The following CCDC192 variants were observed in gnomAD, a reference collection of about 807,000 sequenced individuals.
The protein encoded by CCDC192 is coiled-coil domain containing 192, also known as coiled-coil domain-containing protein 192.
chr5:127,891,082 T>C (rs1261461798), intron 6 of CCDC192, among the ~76,000 whole-genome samples: 1 of 152,162 alleles, frequency 6.6e-6, no homozygotes, highest in Non-Finnish European at 1.5e-5. Flanking sequence ...GACAGAGTCT[T>C]GCTCTGTCGC....
At chr5:127,851,131 C>T (rs545617751) in intron 5 of CCDC192, among the ~76,000 whole-genome samples, 1 of 152,274 alleles carries the variant, frequency 6.6e-6, no homozygotes, top group East Asian at 1.9e-4. Flanking sequence ...GCAAATCTCC[C>T]TTGTCTTTGG....
At chr5:127,800,391 A>C (rs1248529126) in intron 5 of CCDC192, among the ~76,000 whole-genome samples, 8 of 139,234 alleles carry the variant, frequency 5.7e-5, no homozygotes, top group Admixed American at 1.5e-4. Flanking sequence ...AAAAAAAAAA[A>C]AAAAAAAAAA....
chr5:127,728,501 G>T (rs1228892842), intron 2 of CCDC192, among the ~76,000 whole-genome samples: 1 of 152,144 alleles, frequency 6.6e-6, no homozygotes, highest in Non-Finnish European at 1.5e-5. Context: ...AATGCTGAGG[G>T]AATTTGTCAC....
intron 6 of CCDC192, among the ~76,000 whole-genome samples, chr5:127,887,151 A>G (rs1351298552): frequency 6.6e-6 from 1 of 151,916 alleles, no homozygotes; most frequent in African/African-American, 2.4e-5. Context: ...AACAGGGGGA[A>G]ACCCTGTCTC....
intron 6 of CCDC192, among the ~76,000 whole-genome samples, chr5:127,901,541 C>T (rs1753037032): frequency 6.6e-6 from 1 of 152,078 alleles, no homozygotes; most frequent in Admixed American, 6.5e-5. Flanking sequence ...GAAAAGCAAA[C>T]ATAATTAAAA....
At chr5:127,841,813 T>G (rs922519268) in intron 5 of CCDC192, among the ~76,000 whole-genome samples, 1 of 104,924 alleles carries the variant, frequency 9.5e-6, no homozygotes, top group Non-Finnish European at 2.2e-5. Context: ...TGCCTTGGTA[T>G]GGGGGCAGTT....
chr5:127,868,462 G>C (rs1751705754), intron 5 of CCDC192, among the ~76,000 whole-genome samples: 1 of 152,182 alleles, frequency 6.6e-6, no homozygotes, highest in Non-Finnish European at 1.5e-5. Flanking sequence ...ATCCAATTCT[G>C]TGTCATCCAA....
At chr5:127,896,573 A>G (rs1752894372) in intron 6 of CCDC192, among the ~76,000 whole-genome samples, 1 of 151,894 alleles carries the variant, frequency 6.6e-6, no homozygotes, top group Non-Finnish European at 1.5e-5. Flanking sequence ...AGCTGGGGCT[A>G]CAGGTGTGCA....
intron 6 of CCDC192, among the ~76,000 whole-genome samples, chr5:127,897,644 C>T (rs1187485557): frequency 6.6e-6 from 1 of 152,046 alleles, no homozygotes; most frequent in Admixed American, 6.6e-5. Flanking sequence ...GTGCATACAT[C>T]GTATTTTGGG....
At chr5:127,876,432 G>T (rs982764834) in intron 6 of CCDC192, among the ~76,000 whole-genome samples, 1 of 152,132 alleles carries the variant, frequency 6.6e-6, no homozygotes, top group Non-Finnish European at 1.5e-5. Context: ...AGAGATGTGT[G>T]TTACCTTGCC....
intron 6 of CCDC192, among the ~76,000 whole-genome samples, chr5:127,895,157 C>A (rs1415044138): frequency 6.6e-6 from 1 of 152,208 alleles, no homozygotes; most frequent in Admixed American, 6.5e-5. Context: ...TCCCCCACCA[C>A]CTTCTTCTAA....
In CCDC192 at chr5:127,875,561, GA is replaced by G; in HGVS notation, c.441del (p.Lys147AsnfsTer21). On this transcript the variant is annotated frameshift_variant, in exon 6 of 7. Transcript: ENST00000514853. LOFTEE classifies it high-confidence loss of function. ...AGAAACTAAAGCATGAAAAGAAAGT[GA>G]AAAAACTACAGACTGATTTGGCAAC... ...AQKLKHEKKVKKLQTDLATAN... is the reference protein window; with the variant it reads ...AQKLKHEKKVXKLQTDLATAN... 2.5e-6 allele frequency: 1 copy of G among 397,560 alleles called. No individual in the cohort carries two copies. Among genetic ancestry groups the G allele is most frequent in the Non-Finnish European group, 4.4e-6 (1 of 225,738 alleles). The allele number at this position is 397,560 out of a possible 1,614,324, so 24.6% of individuals were successfully genotyped here.
At chr5:127,852,605 C>A (rs1437043935) in intron 5 of CCDC192, among the ~76,000 whole-genome samples, 1 of 152,192 alleles carries the variant, frequency 6.6e-6, no homozygotes, top group East Asian at 1.9e-4. Context: ...TGAAGCTTAG[C>A]AACCCTGACT....
intron 4 of CCDC192, among the ~76,000 whole-genome samples, chr5:127,797,740 T>G (rs1453957000): frequency 5.6e-4 from 3 of 5,398 alleles, no homozygotes; most frequent in Non-Finnish European, 1.1e-3. Flanking sequence ...GGTATATATA[T>G]ATATATATAT....
At chr5:127,773,932 C>T (rs1755706805) in intron 3 of CCDC192, among the ~76,000 whole-genome samples, 1 of 152,122 alleles carries the variant, frequency 6.6e-6, no homozygotes, top group Non-Finnish European at 1.5e-5. Flanking sequence ...CTTTTATTTT[C>T]CATTTGAAAA....
chr5:127,884,344 A>G (rs947053704), intron 6 of CCDC192, among the ~76,000 whole-genome samples: 4 of 131,886 alleles, frequency 3.0e-5, no homozygotes, highest in Non-Finnish European at 4.8e-5. Context: ...CTCCGTCTCA[A>G]AAAAAAAAAA....
In CCDC192 at chr5:127,898,167, G is replaced by A. The variant is rs570586829; in HGVS notation, c.535+22506G>A. 1.4e-3 allele frequency among the ~76,000 whole-genome samples: 209 copies of A among 151,662 alleles called. 1 individual carries two copies. Among genetic ancestry groups the A allele is most frequent in the Middle Eastern group, 0.01 (3 of 294 alleles). On this transcript the variant is annotated intron_variant, in intron 6 of 6. Coordinates refer to ENST00000514853, the MANE Select transcript of CCDC192 (RefSeq NM_001317938.2). The stretch of plus-strand genomic sequence containing the variant: ...CTTGTTGCCCAGGCTTGAGTGCAAT[G>A]ATGCAATCTCCATTCACTGCAACCT...
chr5:127,810,964 A>G (rs925624268), intron 5 of CCDC192, among the ~76,000 whole-genome samples: 24 of 151,858 alleles, frequency 1.6e-4, no homozygotes, highest in African/African-American at 5.8e-4. Flanking sequence ...GTCCATGCCT[A>G]TGGGCCCATT....
intron 5 of CCDC192, among the ~76,000 whole-genome samples, chr5:127,809,106 C>A (rs914538600): frequency 2.6e-5 from 4 of 152,076 alleles, no homozygotes; most frequent in African/African-American, 9.7e-5. Flanking sequence ...TAAACTTTTG[C>A]TGTTCTCTTG....
Sources: allele counts gnomAD v4.1 joint callset (sites outside exome capture counted in the v4.1 genomes callset), GRCh38; gene constraint gnomAD v4.1.1; transcripts MANE v1.5; gene names NCBI Gene and HGNC (gene_info 2026-07-23, HGNC 2026-07-21).